CDKN2AIP: variants seen among roughly 807,000 people sequenced by gnomAD.
CDKN2AIP encodes CDKN2A-interacting protein.
CDKN2AIP carries 12 observed loss-of-function variants against 44.1 expected under a neutral mutation model. The observed-to-expected ratio is 0.27, with a 90% CI of 0.17 to 0.44. The LOEUF is 0.44. Among genes scored for constraint, CDKN2AIP ranks in the 20% least tolerant of loss-of-function variants. The probability of loss-of-function intolerance (pLI) is 1.00; values close to 1 mark genes in which losing one functional copy is unlikely to be tolerated. For synonymous variants in CDKN2AIP, 291 were observed against 272.1 expected, an observed-to-expected ratio of 1.07 and a Z score of -0.68; for missense variants, 705 against 681.6, an observed-to-expected ratio of 1.03 and a Z score of -0.38.
At position 183,445,532 on chromosome 4, in the gene CDKN2AIP, C is replaced by T; in HGVS notation, c.273-3C>T. On this transcript the variant is annotated splice_polypyrimidine_tract_variant and splice_region_variant and intron_variant, in intron 1 of 2. Coordinates refer to ENST00000504169, the MANE Select transcript of CDKN2AIP (RefSeq NM_017632.4). ...TTAAAAATGACTTTTCCTTCTTTTT[C>T]AGATACCCTCAAAAAGTTATGGATA... 3 of 1,607,906 alleles carry T rather than the reference C, an allele frequency of 1.9e-6. No individual in the cohort carries two copies. The highest frequency in any genetic ancestry group is 2.2e-5 in the East Asian group (1 of 44,832).
rs1343536484 is a variant in CDKN2AIP, at chr4:183,444,924, G to T, written c.127G>T (p.Ala43Ser). Residue 43 changes from alanine to serine, a missense_variant, in exon 1 of 3, where the codon GCC (alanine) becomes TCC (serine). Transcript: ENST00000504169. ...RHRRDFLLRN[A>S]GDLAPAGGAA... ...CCGCCGGGATTTTTTGCTTCGCAAC[G>T]CCGGGGACCTGGCCCCCGCTGGCGG... 6.2e-7 allele frequency: 1 copy of T among 1,610,938 alleles called. No homozygotes were observed. Among genetic ancestry groups the T allele is most frequent in the African/African-American group, 1.3e-5 (1 of 75,004 alleles).
In CDKN2AIP at chr4:183,446,032, C is replaced by T. The variant is rs73870524; in HGVS notation, c.404-56C>T. The T allele has an allele frequency of 6.1e-4, 842 of 1,372,768 alleles. 5 individuals carry two copies. The African/African-American group carries it at 0.011, about 18-fold the overall frequency. 85.0% of individuals were successfully genotyped at this position (1,372,768 alleles called of 1,614,324 possible). A position where few individuals can be genotyped will look rare whatever the true frequency, so the allele number is the denominator to read the frequency against. On this transcript the variant is annotated intron_variant, in intron 2 of 2. Coordinates refer to ENST00000504169, the MANE Select transcript of CDKN2AIP (RefSeq NM_017632.4). ...TTATTTTAATGTGTATTTGTCTCAT[C>T]ACCCGTTTTGTACGAGGTATTCTTA...
chr4:183,447,693 T>C lies in CDKN2AIP; in HGVS notation c.*266T>C. The stretch of plus-strand genomic sequence containing the variant: ...CTGTCTTCTATTTTTAATGATACAT[T>C]AGGTACGATGTGTAGTTCGGTAGAG... On this transcript the variant is annotated 3_prime_UTR_variant, in exon 3 of 3. Coordinates refer to ENST00000504169, the MANE Select transcript of CDKN2AIP (RefSeq NM_017632.4). 3 of 264,464 alleles carry C rather than the reference T, an allele frequency of 1.1e-5. No individual in the cohort carries two copies. The highest frequency in any genetic ancestry group is 2.1e-5 in the Non-Finnish European group (3 of 140,430). 16.4% of individuals were successfully genotyped at this position (264,464 alleles called of 1,614,324 possible).
rs1404215735 is a variant in CDKN2AIP, at chr4:183,446,656, T to G, written c.972T>G (p.Ser324Arg). The G allele has an allele frequency of 1.2e-6, 2 of 1,613,970 alleles. No homozygotes were observed. The highest frequency in any genetic ancestry group is 3.3e-5 in the Admixed American group (2 of 59,996). The change falls in exon 3 of 3, where the codon AGT (serine) becomes AGG (arginine). Residue 324 changes from serine (S) to arginine (R), a missense_variant. By Grantham distance (110) the Ser-to-Arg change is moderately radical. Around this residue, in one of 2 missense-constraint regions of CDKN2AIP, gnomAD observed 592 missense variants for 518.0 expected, o/e 1.14. Transcript: ENST00000504169. ...CAAGTGGGTTAACTTCCAAAACTAG[T>G]TCAGAGGCAAGTGTTTCATCATCAG... ...TASSGLTSKTSSEASVSSSVA... is the reference protein window; with the variant it reads ...TASSGLTSKTRSEASVSSSVA...
Position 183,444,668 on chromosome 4 carries a change from T to C in CDKN2AIP, c.-130T>C, listed in dbSNP as rs1733617386. On this transcript the variant is annotated 5_prime_UTR_variant, in exon 1 of 3. Coordinates refer to ENST00000504169, the MANE Select transcript of CDKN2AIP (RefSeq NM_017632.4). ...GGTTCGGCGGCTCTGGGCGCTGTTG[T>C]TTGGTCTTTAGGCCTGCGGAGGGGC... The C allele has an allele frequency of 4.6e-6, 4 of 877,290 alleles. No homozygotes were observed. The highest frequency in any genetic ancestry group is 6.5e-6 in the Non-Finnish European group (4 of 616,012). The allele number at this position is 877,290 out of a possible 1,614,324, so 54.3% of individuals were successfully genotyped here.
chr4:183,446,307 G>A lies in CDKN2AIP; in HGVS notation c.623G>A (p.Arg208Gln). The A allele has an allele frequency of 6.2e-7, 1 of 1,614,178 alleles. No homozygotes were observed. The highest frequency in any genetic ancestry group is 8.5e-7 in the Non-Finnish European group (1 of 1,180,014). Residue 208 changes from arginine to glutamine, a missense_variant, in exon 3 of 3, where the codon CGA (arginine) becomes CAA (glutamine). By Grantham distance (43) the Arg-to-Gln change is conservative (BLOSUM62 1). Transcript: ENST00000504169. ...SQNSSTSDGD[R>Q]SVSSQSSSSV... ...AATAGCTCTACAAGTGATGGAGATCGATCTGTTTCCAGCCAAAGCAGCAGC... is the reference window on the plus strand; with the variant it reads ...AATAGCTCTACAAGTGATGGAGATCAATCTGTTTCCAGCCAAAGCAGCAGC...
chr4:183,444,985 C>G lies in CDKN2AIP; in HGVS notation c.188C>G (p.Ala63Gly). Residue 63 changes from alanine (A) to glycine (G), a missense_variant, in exon 1 of 3, where the codon GCC becomes GGC. By Grantham distance (60) the Ala-to-Gly change is moderately conservative (BLOSUM62 0). Transcript: ENST00000504169. ...GCTAGCACGGATGAAGCTGCCGACG[C>G]CGAGAGCGGGACCCGAAACCGGCAG... ...ASASTDEAAD[A>G]ESGTRNRQLQ... 1 of 1,604,720 alleles carries G rather than the reference C, an allele frequency of 6.2e-7. No individual in the cohort carries two copies. The highest frequency in any genetic ancestry group is 2.3e-5 in the East Asian group (1 of 44,438).
Position 183,444,893 on chromosome 4 carries a change from G to T in CDKN2AIP, c.96G>T (p.Trp32Cys). Residue 32 changes from tryptophan (W) to cysteine (C), a missense_variant, in exon 1 of 3, where the codon TGG becomes TGT. Physicochemically the swap from Trp to Cys is radical, Grantham distance 215. Coordinates refer to ENST00000504169, the MANE Select transcript of CDKN2AIP (RefSeq NM_017632.4). ...LRCDGETDKH[W>C]RHRRDFLLRN... ...GCGACGGCGAGACTGACAAACACTG[G>T]CGCCACCGCCGGGATTTTTTGCTTC... 6.2e-7 allele frequency: 1 copy of T among 1,606,422 alleles called. No homozygotes were observed. The highest frequency in any genetic ancestry group is 8.5e-7 in the Non-Finnish European group (1 of 1,176,824).
At position 183,444,815 on chromosome 4, in the gene CDKN2AIP, G is replaced by C; in HGVS notation, c.18G>C (p.Ser6=). The C allele has an allele frequency of 6.5e-7, 1 of 1,546,588 alleles. No homozygotes were observed. Among genetic ancestry groups the C allele is most frequent in the Non-Finnish European group, 8.8e-7 (1 of 1,142,734 alleles). The change falls in exon 1 of 3, where the codon TCG becomes TCC. Residue 6 remains serine (S), a synonymous_variant. Transcript: ENST00000504169. MAQEV[S]EYLSQNPRVA... is the part of the protein sequence containing the mutation. Reference sequence around the variant, plus strand: ...GGCCCAACATGGCGCAGGAGGTGTCGGAGTACCTGAGCCAGAACCCGCGGG... The same window carrying C: ...GGCCCAACATGGCGCAGGAGGTGTCCGAGTACCTGAGCCAGAACCCGCGGG...
rs951193185 is a variant in CDKN2AIP, at chr4:183,444,649, G to A, written c.-149G>A. ...GCGGTGGGCGGAAGTGGGCGGTTCG[G>A]CGGCTCTGGGCGCTGTTGTTTGGTC... On this transcript the variant is annotated 5_prime_UTR_variant, in exon 1 of 3. Coordinates refer to ENST00000504169, the MANE Select transcript of CDKN2AIP (RefSeq NM_017632.4). 6.1e-6 allele frequency: 4 copies of A among 652,848 alleles called. No homozygotes were observed. Among genetic ancestry groups the A allele is most frequent in the Non-Finnish European group, 9.3e-6 (4 of 431,880 alleles). The allele number at this position is 652,848 out of a possible 1,614,324, so 40.4% of individuals were successfully genotyped here. A position where few individuals can be genotyped will look rare whatever the true frequency, so the allele number is the denominator to read the frequency against.
In CDKN2AIP at chr4:183,447,240, G is replaced by A. The variant is rs760761742; in HGVS notation, c.1556G>A (p.Ser519Asn). ...SVYLGTGCGKSKENAKAVASR... is the reference protein window; with the variant it reads ...SVYLGTGCGKNKENAKAVASR... The stretch of plus-strand genomic sequence containing the variant: ...TATTTGGGCACTGGCTGTGGAAAAA[G>A]CAAAGAAAATGCAAAAGCAGTTGCA... Residue 519 changes from serine to asparagine, a missense_variant, in exon 3 of 3, where the codon AGC becomes AAC. Ser to Asn is a conservative substitution (Grantham distance 46). This residue lies in a region of CDKN2AIP where 113 missense variants were observed against 163.6 expected (regional missense o/e 0.69). Transcript: ENST00000504169. 1.9e-6 allele frequency: 3 copies of A among 1,610,954 alleles called. No homozygotes were observed. Among genetic ancestry groups the A allele is most frequent in the African/African-American group, 2.7e-5 (2 of 74,666 alleles).
chr4:183,446,671 T>G lies in CDKN2AIP; in HGVS notation c.987T>G (p.Val329=). 6.2e-7 allele frequency: 1 copy of G among 1,614,186 alleles called. No homozygotes were observed. Among genetic ancestry groups the G allele is most frequent in the Non-Finnish European group, 8.5e-7 (1 of 1,180,002 alleles). Residue 329 remains valine, a synonymous_variant, in exon 3 of 3, where the codon GTT becomes GTG. Coordinates refer to ENST00000504169, the MANE Select transcript of CDKN2AIP (RefSeq NM_017632.4). ...LTSKTSSEAS[V]SSSVAKNSSS... Reference sequence around the variant, plus strand: ...CCAAAACTAGTTCAGAGGCAAGTGTTTCATCATCAGTTGCTAAAAACAGTT... The same window carrying G: ...CCAAAACTAGTTCAGAGGCAAGTGTGTCATCATCAGTTGCTAAAAACAGTT...
rs775466362 is a variant in CDKN2AIP, at chr4:183,447,235, A to C, written c.1551A>C (p.Gly517=). Residue 517 remains glycine (G), a synonymous_variant, in exon 3 of 3, where the codon GGA becomes GGC. Transcript: ENST00000504169. ...CKSVYLGTGC[G]KSKENAKAVA... Reference sequence around the variant, plus strand: ...CTGTGTATTTGGGCACTGGCTGTGGAAAAAGCAAAGAAAATGCAAAAGCAG... The same window carrying C: ...CTGTGTATTTGGGCACTGGCTGTGGCAAAAGCAAAGAAAATGCAAAAGCAG... 3.1e-6 allele frequency: 5 copies of C among 1,611,330 alleles called. No individual in the cohort carries two copies. The Admixed American group carries it at 8.4e-5, about 27-fold the overall frequency.
At chr4:183,445,225 C>A in intron 1 of CDKN2AIP, 156 bp downstream of exon 1, 2 of 892,484 alleles carry the variant, frequency 2.2e-6, no homozygotes, top group Non-Finnish European at 3.3e-6. Context: ...GGGAGAAGGG[C>A]GTCCCTGCGA....
At position 183,445,597 on chromosome 4, in the gene CDKN2AIP, C is replaced by A. The variant is rs1235180485; in HGVS notation, c.335C>A (p.Ala112Asp). The part of the protein sequence containing the change: ...SMAEGIKVTD[A>D]PTYTTRDELV... The stretch of plus-strand genomic sequence containing the variant: ...GCTGAAGGCATCAAAGTGACAGATG[C>A]TCCAACCTATACAACAAGAGATGAA... The change falls in exon 2 of 3, where the codon GCT (alanine) becomes GAT (aspartate). Residue 112 changes from alanine (A) to aspartate (D), a missense_variant. Physicochemically the swap from Ala to Asp is moderately radical, Grantham distance 126. Around this residue, in one of 2 missense-constraint regions of CDKN2AIP, gnomAD observed 592 missense variants for 518.0 expected, o/e 1.14. Transcript: ENST00000504169. The A allele has an allele frequency of 6.2e-7, 1 of 1,608,966 alleles. No individual in the cohort carries two copies.
At chr4:183,445,964 T>C in intron 2 of CDKN2AIP, 124 bp from the exon 3 acceptor site, 2 of 831,706 alleles carry the variant, frequency 2.4e-6, no homozygotes, top group South Asian at 1.8e-5. Context: ...CTCCACACTT[T>C]TTAAAGAAAC....
Position 183,446,948 on chromosome 4 carries a change from G to A in CDKN2AIP, c.1264G>A (p.Val422Ile), listed in dbSNP as rs150114244. ...KSTSQSSESS[V>I]KFSCKLTNED... ...TACTTCACAGTCAAGTGAGAGTTCT[G>A]TCAAATTCTCTTGCAAGTTAACCAA... Residue 422 changes from valine (V) to isoleucine (I), a missense_variant, in exon 3 of 3, where the codon GTC becomes ATC. Physicochemically the swap from Val to Ile is conservative, Grantham distance 29. Coordinates refer to ENST00000504169, the MANE Select transcript of CDKN2AIP (RefSeq NM_017632.4). 6.2e-6 allele frequency: 10 copies of A among 1,614,214 alleles called. 1 individual carries two copies. The South Asian group carries it at 6.6e-5, about 11-fold the overall frequency.
rs1253920888 is a variant in CDKN2AIP at position 183,444,695 on chromosome 4, T to A, written c.-103T>A. On this transcript the variant is annotated 5_prime_UTR_variant, in exon 1 of 3. Coordinates refer to ENST00000504169, the MANE Select transcript of CDKN2AIP (RefSeq NM_017632.4). ...TGGTCTTTAGGCCTGCGGAGGGGCG[T>A]TATCTGGAGGGCCGCGGGTGCAGGC... The A allele has an allele frequency of 8.2e-7, 1 of 1,214,014 alleles. No individual in the cohort carries two copies. The highest frequency in any genetic ancestry group is 1.6e-5 in the African/African-American group (1 of 63,526). The allele number at this position is 1,214,014 out of a possible 1,614,324, so 75.2% of individuals were successfully genotyped here.
rs1262401933 is a variant in CDKN2AIP at position 183,448,418 on chromosome 4, C to T, written c.*991C>T. ...TGTGTTTATGCATCTTTTAGAATACCGGAAAGAACAGAGAGCCGTGTTCAG... is the reference window on the plus strand; with the variant it reads ...TGTGTTTATGCATCTTTTAGAATACTGGAAAGAACAGAGAGCCGTGTTCAG... On this transcript the variant is annotated 3_prime_UTR_variant, in exon 3 of 3. Coordinates refer to ENST00000504169, the MANE Select transcript of CDKN2AIP (RefSeq NM_017632.4). Among the ~76,000 whole-genome samples the T allele has an allele frequency of 4.6e-5, 7 of 151,898 alleles. No homozygotes were observed. Among genetic ancestry groups the T allele is most frequent in the Admixed American group, 6.6e-5 (1 of 15,244 alleles).
Sources: gnomAD v4.1 joint callset for allele counts (sites outside exome capture counted in the v4.1 genomes callset) on GRCh38, gnomAD v4.1.1 for gene constraint, gnomAD v4.1.1 regional missense constraint, MANE v1.5 for transcripts, NCBI Gene and HGNC (gene_info 2026-07-23, HGNC 2026-07-21) for gene names.